The following ZCCHC14 variants were observed in gnomAD, a reference collection of about 807,000 sequenced individuals.
ZCCHC14 encodes zinc finger CCHC-type containing 14, also known as zinc finger CCHC domain-containing protein 14.
ZCCHC14 carries 16 observed loss-of-function variants against 85.0 expected under a neutral mutation model. The ratio of observed to expected loss-of-function variants is 0.19; its 90% confidence interval spans 0.13 to 0.29. ZCCHC14 has a LOEUF of 0.29. ZCCHC14 is among the 10% of genes least tolerant of loss of function. The pLI is 1.00. For synonymous variants in ZCCHC14, 775 were observed against 630.7 expected (o/e 1.23, Z -3.43); for missense variants, 1,303 against 1,443.5 (o/e 0.90, Z 1.58).
intron 2 of ZCCHC14, among the ~76,000 whole-genome samples, chr16:87,443,221 G>C (rs536680008): frequency 6.7e-4 from 102 of 152,364 alleles, no homozygotes; most frequent in African/African-American, 2.3e-3. Context: ...CAGAGGCCTG[G>C]ATGGTGGTCG....
intron 2 of ZCCHC14, among the ~76,000 whole-genome samples, chr16:87,441,699 T>A: frequency 6.6e-6 from 1 of 152,238 alleles, no homozygotes; most frequent in East Asian, 1.9e-4. Context: ...TAAAAATAAT[T>A]CATCAATAAA....
At chr16:87,436,498 G>A (rs765881039) in intron 2 of ZCCHC14, among the ~76,000 whole-genome samples, 1 of 152,242 alleles carries the variant, frequency 6.6e-6, no homozygotes, top group African/African-American at 2.4e-5. Flanking sequence ...TGACCAGCCT[G>A]AGTCAAGGTC....
intron 3 of ZCCHC14, among the ~76,000 whole-genome samples, chr16:87,429,795 G>C (rs1276351423): frequency 6.6e-6 from 1 of 152,190 alleles, no homozygotes; most frequent in African/African-American, 2.4e-5. Context: ...TTACTAGAGA[G>C]AGGGTTTTGC....
intron 1 of ZCCHC14, among the ~76,000 whole-genome samples, chr16:87,465,476 G>A (rs1911475947): frequency 6.6e-6 from 1 of 152,198 alleles, no homozygotes; most frequent in Admixed American, 6.5e-5. Flanking sequence ...CAAGCTACTG[G>A]TAGTCACGGG....
chr16:87,422,895 A>G (rs1909175840), intron 4 of ZCCHC14, among the ~76,000 whole-genome samples: 2 of 143,030 alleles, frequency 1.4e-5, no homozygotes, highest in African/African-American at 5.9e-5. Context: ...CAGAGGGAAA[A>G]GCAGATTCCC....
intron 2 of ZCCHC14, among the ~76,000 whole-genome samples, chr16:87,441,780 G>C (rs569741197): frequency 6.6e-6 from 1 of 152,234 alleles, no homozygotes; most frequent in African/African-American, 2.4e-5. Flanking sequence ...TACTTTTTTG[G>C]GGCCAACCTG....
chr16:87,463,729 A>G (rs1911384634), intron 1 of ZCCHC14, among the ~76,000 whole-genome samples: 1 of 152,198 alleles, frequency 6.6e-6, no homozygotes. Context: ...AGGCTGAGGC[A>G]GGGGGATCGC....
intron 4 of ZCCHC14, among the ~76,000 whole-genome samples, chr16:87,422,880 C>T (rs1909174815): frequency 6.6e-6 from 1 of 151,226 alleles, no homozygotes; most frequent in South Asian, 2.1e-4. Context: ...GTATTTTAAA[C>T]ACTACAGAGG....
intron 1 of ZCCHC14, among the ~76,000 whole-genome samples, chr16:87,489,443 G>C (rs1275063783): frequency 1.3e-5 from 2 of 152,222 alleles, no homozygotes; most frequent in Non-Finnish European, 2.9e-5. Flanking sequence ...CTTGCTTTAA[G>C]TTAGCAAACC....
In ZCCHC14 at chr16:87,408,206, C is replaced by G. The variant is rs902713338; in HGVS notation, c.*2074G>C. ...CAACAGACGCTTTCATTCCCCTATACTGACCACTAAAACAAAAATTCCAAT... is the reference window on the plus strand; with the variant it reads ...CAACAGACGCTTTCATTCCCCTATAGTGACCACTAAAACAAAAATTCCAAT... On this transcript the variant is annotated 3_prime_UTR_variant, in exon 13 of 13. Coordinates refer to ENST00000671377, the MANE Select transcript of ZCCHC14 (RefSeq NM_015144.3). The G allele has an allele frequency of 6.6e-6, 1 of 152,626 alleles. No homozygotes were observed. The highest frequency in any genetic ancestry group is 1.5e-5 in the Non-Finnish European group (1 of 68,050). The allele number at this position is 152,626 out of a possible 1,614,324, so 9.5% of individuals were successfully genotyped here. A position where few individuals can be genotyped will look rare whatever the true frequency, so the allele number is the denominator to read the frequency against.
chr16:87,432,215 T>G (rs1320460229), intron 3 of ZCCHC14, among the ~76,000 whole-genome samples: 2 of 152,106 alleles, frequency 1.3e-5, no homozygotes, highest in African/African-American at 4.8e-5. Flanking sequence ...GATGCACATG[T>G]GGTCCAAGGA....
intron 1 of ZCCHC14, among the ~76,000 whole-genome samples, chr16:87,481,531 G>T (rs1912268988): frequency 3.7e-5 from 1 of 26,694 alleles, no homozygotes; most frequent in Non-Finnish European, 1.0e-4. Context: ...AGAAACGGGG[G>T]GGGGGGGGGG....
chr16:87,437,456 G>T (rs1597418608), intron 2 of ZCCHC14, among the ~76,000 whole-genome samples: 1 of 152,054 alleles, frequency 6.6e-6, no homozygotes, highest in African/African-American at 2.4e-5. Flanking sequence ...GCCTCCGTGA[G>T]GAAAGCATTC....
At chr16:87,457,317 T>C (rs1375072660) in intron 2 of ZCCHC14, among the ~76,000 whole-genome samples, 1 of 152,238 alleles carries the variant, frequency 6.6e-6, no homozygotes, top group Admixed American at 6.5e-5. Flanking sequence ...ACCTTTCTTT[T>C]CCTCTGCTAT....
At chr16:87,471,557 G>T (rs186720533) in intron 1 of ZCCHC14, 1 of 152,272 alleles carries the variant, frequency 6.6e-6, no homozygotes, top group Admixed American at 6.5e-5. Flanking sequence ...AGGGCAGCAC[G>T]GCCTCCTCTA....
intron 1 of ZCCHC14, among the ~76,000 whole-genome samples, chr16:87,487,137 C>T (rs900685774): frequency 5.9e-5 from 9 of 152,196 alleles, no homozygotes; most frequent in African/African-American, 9.7e-5. Context: ...GGTTTATTCA[C>T]GGTATTTGTG....
chr16:87,409,409 C>T lies in ZCCHC14; in HGVS notation c.*871G>A, dbSNP rs1475401693. The stretch of plus-strand genomic sequence containing the variant: ...GAGCCGCGCTGTCGCCGTCCCCCCT[C>T]GAGAGGTCATTTGTAGTGGAAGATA... On this transcript the variant is annotated 3_prime_UTR_variant, in exon 13 of 13. Transcript: ENST00000671377. The T allele has an allele frequency of 2.0e-5, 3 of 152,160 alleles. No individual in the cohort carries two copies. The highest frequency in any genetic ancestry group is 2.9e-5 in the Non-Finnish European group (2 of 68,044). 9.4% of individuals were successfully genotyped at this position (152,160 alleles called of 1,614,324 possible).
intron 1 of ZCCHC14, among the ~76,000 whole-genome samples, chr16:87,490,924 C>A (rs1912727532): frequency 6.6e-6 from 1 of 152,256 alleles, no homozygotes; most frequent in Admixed American, 6.5e-5. Context: ...CCCAGCGACA[C>A]AGGCCCCAAG....
rs796209556 is a variant in ZCCHC14, at chr16:87,420,905, A to G, written c.841-189T>C. On this transcript the variant is annotated intron_variant, in intron 4 of 12. Transcript: ENST00000671377. This position sits in a 1 kb window ranked among gnomAD's most constrained non-coding sequence, Gnocchi z 5.0. ...AGGGTGTAGAAAGTCACAAAAGAAC[A>G]TCGCTCTCACAGTTACATCCGGAAA... Among the ~76,000 whole-genome samples, 1 of 152,252 alleles carries G rather than the reference A, an allele frequency of 6.6e-6. No individual in the cohort carries two copies. The highest frequency in any genetic ancestry group is 2.1e-4 in the South Asian group (1 of 4,832).
Sources: allele counts gnomAD v4.1 joint callset (sites outside exome capture counted in the v4.1 genomes callset), GRCh38; gene constraint gnomAD v4.1.1; non-coding constraint Gnocchi (gnomAD v3.1); transcripts MANE v1.5; gene names NCBI Gene and HGNC (gene_info 2026-07-23, HGNC 2026-07-21).